Variants in CSMD1 observed in about 807,000 individuals in gnomAD.
CSMD1 encodes CUB and Sushi multiple domains 1.
Under a neutral mutation model 417.5 loss-of-function variants are expected in CSMD1, and 213 were observed. The ratio of observed to expected loss-of-function variants is 0.51; its 90% confidence interval spans 0.46 to 0.57. The LOEUF is 0.57. Among genes scored for constraint, CSMD1 ranks in the 20% least tolerant of loss-of-function variants. The pLI is 0.00. For synonymous variants in CSMD1, 2,862 were observed against 1,736.8 expected (o/e 1.65, Z -16.11); for missense variants, 6,923 against 4,529.7 (o/e 1.53, Z -15.17).
intron 25 of CSMD1, among the ~76,000 whole-genome samples, chr8:3,296,192 G>C (rs1441270700): frequency 2.0e-5 from 3 of 151,980 alleles, no homozygotes; most frequent in African/African-American, 4.8e-5. Flanking sequence ...GGGGTGGTTA[G>C]GCTAAGCCAT....
intron 5 of CSMD1, among the ~76,000 whole-genome samples, chr8:3,874,003 C>T (rs982088958): frequency 2.6e-4 from 39 of 152,160 alleles, no homozygotes; most frequent in African/African-American, 7.7e-4. Flanking sequence ...ACACACTGTG[C>T]GGCTGTAGAA....
chr8:4,581,775 T>C (rs897883784), intron 2 of CSMD1, among the ~76,000 whole-genome samples: 5 of 152,114 alleles, frequency 3.3e-5, no homozygotes, highest in Admixed American at 2.6e-4. Context: ...TGGCAGACAA[T>C]TGCCTATTGG....
intron 1 of CSMD1, among the ~76,000 whole-genome samples, chr8:4,711,894 C>G (rs138988682): frequency 6.6e-6 from 1 of 152,260 alleles, no homozygotes; most frequent in African/African-American, 2.4e-5. Flanking sequence ...ATAATACCAG[C>G]TGGATTAAGT....
intron 3 of CSMD1, among the ~76,000 whole-genome samples, chr8:4,287,037 G>C (rs1051930502): frequency 2.0e-5 from 3 of 152,136 alleles, no homozygotes; most frequent in Non-Finnish European, 4.4e-5. Flanking sequence ...ACTTCATTTA[G>C]AGAATGATTG....
chr8:2,957,569 G>T, intron 63 of CSMD1, 127 bp downstream of exon 63: 1 of 660,158 alleles, frequency 1.5e-6, no homozygotes. Flanking sequence ...AAACTTTGAG[G>T]ACATCCGAAA....
intron 51 of CSMD1, among the ~76,000 whole-genome samples, chr8:3,020,498 A>G (rs1809274342): frequency 6.6e-6 from 1 of 151,812 alleles, no homozygotes; most frequent in Admixed American, 6.6e-5. Context: ...CCTCCCAAGT[A>G]CCTTAGTGCA....
intron 26 of CSMD1, among the ~76,000 whole-genome samples, chr8:3,242,700 G>T (rs112032389): frequency 2.0e-5 from 3 of 151,816 alleles, no homozygotes; most frequent in African/African-American, 7.3e-5. Context: ...AGGGCGGAAG[G>T]TTGCCCATAG....
intron 12 of CSMD1, among the ~76,000 whole-genome samples, chr8:3,428,792 C>A (rs270065): frequency 1.3e-5 from 2 of 152,102 alleles, no homozygotes; most frequent in African/African-American, 4.8e-5. Context: ...AGCCAAGATA[C>A]GGAAAGAACC....
intron 5 of CSMD1, among the ~76,000 whole-genome samples, chr8:3,809,808 A>G: frequency 6.6e-6 from 1 of 152,206 alleles, no homozygotes; most frequent in Non-Finnish European, 1.5e-5. Context: ...GAGAAAATGC[A>G]CTGTTCACAT....
At chr8:3,895,925 C>T (rs990017442) in intron 5 of CSMD1, among the ~76,000 whole-genome samples, 1 of 152,190 alleles carries the variant, frequency 6.6e-6, no homozygotes, top group Admixed American at 6.5e-5. Context: ...GGGAGAGGCA[C>T]CAACCAATAG....
chr8:3,472,610 G>A (rs1160333925), intron 11 of CSMD1, among the ~76,000 whole-genome samples: 1 of 151,920 alleles, frequency 6.6e-6, no homozygotes, highest in Non-Finnish European at 1.5e-5. Context: ...AAAATTTCCA[G>A]ACTCACACTA....
At chr8:3,650,173 G>C (rs1361414732) in intron 7 of CSMD1, among the ~76,000 whole-genome samples, 1 of 152,062 alleles carries the variant, frequency 6.6e-6, no homozygotes, top group Non-Finnish European at 1.5e-5. Context: ...CAGCTATTGG[G>C]GAGGCTGAGG....
At chr8:3,956,798 T>A (rs2740851) in intron 5 of CSMD1, among the ~76,000 whole-genome samples, 1 of 151,844 alleles carries the variant, frequency 6.6e-6, no homozygotes. Flanking sequence ...TTTAGGAGCT[T>A]GAAGGACACC....
At chr8:3,839,150 AT>A (rs200681889) in intron 5 of CSMD1, among the ~76,000 whole-genome samples, 1,921 of 127,476 alleles carry the variant, frequency 0.015, 50 homozygotes, top group African/African-American at 0.051. Context: ...TATAGTCTAT[AT>A]ATCTATAGTC....
chr8:3,377,076 T>C (rs1042805163), intron 18 of CSMD1, among the ~76,000 whole-genome samples: 6 of 152,204 alleles, frequency 3.9e-5, no homozygotes, highest in African/African-American at 1.2e-4. Context: ...TGGTGTGATC[T>C]TGGCTCTCTG....
intron 21 of CSMD1, among the ~76,000 whole-genome samples, chr8:3,357,341 T>C (rs1339426238): frequency 6.6e-6 from 1 of 152,204 alleles, no homozygotes. Flanking sequence ...GTAGAGTCTT[T>C]TTGTCTTAAC....
rs2740976 is a variant in CSMD1 at position 3,992,260 on chromosome 8, T to G, written c.818+5643A>C. Among the ~76,000 whole-genome samples the G allele has an allele frequency of 7.6e-3, 1,157 of 152,224 alleles. 24 individuals carry two copies. The East Asian group carries it at 0.08, about 11-fold the overall frequency. ...AAAAACAACACTTCTAAGCTCTATT[T>G]TTCATGAACCAGCATAACTTGACCC... On this transcript the variant is annotated intron_variant, in intron 5 of 69. Transcript: ENST00000635120.
intron 12 of CSMD1, among the ~76,000 whole-genome samples, chr8:3,426,713 G>C (rs1225740992): frequency 1.3e-5 from 2 of 151,982 alleles, no homozygotes; most frequent in African/African-American, 4.8e-5. Flanking sequence ...TCAAATTATT[G>C]TGCTAAACTT....
At chr8:4,068,708 G>A (rs1340372213) in intron 3 of CSMD1, among the ~76,000 whole-genome samples, 1 of 151,944 alleles carries the variant, frequency 6.6e-6, no homozygotes, top group Admixed American at 6.6e-5. Flanking sequence ...TATCTAGTGG[G>A]GAAAAAAGAA....
Sources: allele counts gnomAD v4.1 joint callset (sites outside exome capture counted in the v4.1 genomes callset), GRCh38; gene constraint gnomAD v4.1.1; transcripts MANE v1.5; gene names NCBI Gene and HGNC (gene_info 2026-07-23, HGNC 2026-07-21).